Variants in BBOF1 observed in about 807,000 individuals in gnomAD.
The protein encoded by BBOF1 is basal body-orientation factor 1.
In BBOF1, 62 loss-of-function variants were observed where a neutral mutation model predicts 68.0. The observed-to-expected ratio is 0.91, with a 90% CI of 0.74 to 1.13. The LOEUF (loss-of-function observed/expected upper bound fraction) is 1.13. Ranked by LOEUF, BBOF1 falls within the 50% of genes most tolerant of loss-of-function variation. BBOF1 has a pLI of 0.00. For missense variants in BBOF1, 534 were observed against 600.1 expected, an observed-to-expected ratio of 0.89 and a Z score of 1.15; for synonymous variants, 208 against 198.8, an observed-to-expected ratio of 1.05 and a Z score of -0.39.
chr14:74,048,268 C>A, intron 7 of BBOF1, 194 bp downstream of exon 7: 1 of 490,292 alleles, frequency 2.0e-6, no homozygotes. Flanking sequence ...TTAGACTCAA[C>A]TTATAAAGAA....
In BBOF1 at chr14:74,065,407, T is replaced by C; in HGVS notation, c.*708T>C. 6.3e-7 allele frequency: 1 copy of C among 1,575,792 alleles called. No homozygotes were observed. Among genetic ancestry groups the C allele is most frequent in the East Asian group, 2.2e-5 (1 of 44,622 alleles). On this transcript the variant is annotated 3_prime_UTR_variant, in exon 12 of 12. Coordinates refer to ENST00000394009, the MANE Select transcript of BBOF1 (RefSeq NM_025057.3). ...GAAAAGAAGTCAGCTTTTTGGATTC[T>C]GAGTATTTTATGCTTATTTGGTACT...
rs199616324 is a variant in BBOF1, at chr14:74,050,209, TTTATTA to T, written c.1286+19_1286+24del. On this transcript the variant is annotated intron_variant, in intron 8 of 11. Transcript: ENST00000394009. ...GGCCGAAAAATGGTACTAGCAATAC[TTTATTA>T]TTATCTTTTTGCTGCTATTTTTGTG... The T allele has an allele frequency of 2.6e-6, 4 of 1,512,368 alleles. No homozygotes were observed. In the South Asian group the frequency reaches 5.5e-5, roughly 21 times the overall value. The allele number at this position is 1,512,368 out of a possible 1,614,324, so 93.7% of individuals were successfully genotyped here.
At chr14:74,057,986 T>A in intron 11 of BBOF1, 1 of 816,252 alleles carries the variant, frequency 1.2e-6, no homozygotes, top group Non-Finnish European at 1.5e-6. Context: ...ATATAGACAA[T>A]AATGACCTTT....
chr14:74,027,792 C>T (rs2059468682), intron 2 of BBOF1, among the ~76,000 whole-genome samples: 1 of 151,928 alleles, frequency 6.6e-6, no homozygotes, highest in Admixed American at 6.6e-5. Flanking sequence ...TAAGCCCAAC[C>T]CTGGCCAGTA....
chr14:74,039,280 C>G (rs2059779573), intron 4 of BBOF1, among the ~76,000 whole-genome samples: 1 of 152,080 alleles, frequency 6.6e-6, no homozygotes, highest in Non-Finnish European at 1.5e-5. Context: ...AACATTTTTT[C>G]AATAGATGCA....
At chr14:74,052,012 C>T (rs1364675348) in intron 8 of BBOF1, among the ~76,000 whole-genome samples, 4 of 151,798 alleles carry the variant, frequency 2.6e-5, no homozygotes, top group African/African-American at 9.7e-5. Context: ...GATTCTTCTT[C>T]AAAATGCCTA....
chr14:74,078,424 G>A lies in BBOF1; in HGVS notation n.1536+72G>A, dbSNP rs1487571947. 18 of 314,374 alleles carry A rather than the reference G, an allele frequency of 5.7e-5. No homozygotes were observed. In the East Asian group the frequency reaches 1.4e-3, roughly 25 times the overall value. 19.5% of individuals were successfully genotyped at this position (314,374 alleles called of 1,614,324 possible). On this transcript the variant is annotated intron_variant and non_coding_transcript_variant, in intron 10 of 12. Transcript: ENST00000492026. ...GCTGGAATGCAGTGGCATGATCATA[G>A]CTCACTGCAGCCTCCATCTCCTGGG...
downstream of BBOF1, chr14:74,069,266 C>T (rs2060516776): frequency 2.8e-6 from 1 of 360,354 alleles, no homozygotes; most frequent in African/African-American, 2.1e-5. Context: ...ACCATGCCTG[C>T]CTAATTTTTG....
At chr14:74,061,633 C>G (rs7161258) in intron 11 of BBOF1, among the ~76,000 whole-genome samples, 1 of 152,150 alleles carries the variant, frequency 6.6e-6, no homozygotes, top group Non-Finnish European at 1.5e-5. Context: ...GCGGCCATTT[C>G]TGATAATTAT....
chr14:74,057,369 A>C, intron 11 of BBOF1, 111 bp downstream of exon 11: 1 of 1,564,492 alleles, frequency 6.4e-7, no homozygotes, highest in African/African-American at 1.4e-5. Context: ...TTCAGGGATC[A>C]GTGGAATGAG....
chr14:74,025,900 C>T (rs1166962362), intron 2 of BBOF1, among the ~76,000 whole-genome samples: 5 of 127,372 alleles, frequency 3.9e-5, no homozygotes, highest in Admixed American at 1.6e-4. Context: ...GGCTGAGTGG[C>T]GGGGTGGGGG....
chr14:74,064,573 G>A, intron 11 of BBOF1, 115 bp from the exon 12 acceptor site: 1 of 910,586 alleles, frequency 1.1e-6, no homozygotes, highest in Non-Finnish European at 1.8e-6. Flanking sequence ...CTCAGGAAAT[G>A]GCATATACAA....
intron 5 of BBOF1, among the ~76,000 whole-genome samples, chr14:74,045,791 A>G (rs2059935638): frequency 1.3e-5 from 2 of 152,132 alleles, no homozygotes; most frequent in African/African-American, 2.4e-5. Context: ...TTTAGCAGAA[A>G]TTCCTCCTCA....
At chr14:74,057,539 C>T (rs905353010) in intron 11 of BBOF1, 33 of 1,338,810 alleles carry the variant, frequency 2.5e-5, no homozygotes, top group South Asian at 2.2e-4. Context: ...CTATCTTTTA[C>T]GTAAGAGTAA....
intron 2 of BBOF1, among the ~76,000 whole-genome samples, chr14:74,025,175 C>G (rs113870414): frequency 4.6e-5 from 7 of 152,144 alleles, no homozygotes; most frequent in African/African-American, 1.7e-4. Context: ...AAATAATTTC[C>G]AAATGTGTTA....
intron 2 of BBOF1, among the ~76,000 whole-genome samples, chr14:74,025,990 A>T (rs2059415957): frequency 6.6e-6 from 1 of 151,884 alleles, no homozygotes; most frequent in South Asian, 2.1e-4. Context: ...AAATACAAAG[A>T]ATTAGCTAGG....
chr14:74,036,194 T>C (rs1265016753), intron 4 of BBOF1, among the ~76,000 whole-genome samples: 1 of 152,080 alleles, frequency 6.6e-6, no homozygotes, highest in Non-Finnish European at 1.5e-5. Flanking sequence ...TAGCAGGGAC[T>C]ATAGGCGCAC....
At chr14:74,036,379 C>T (rs902856832) in intron 4 of BBOF1, among the ~76,000 whole-genome samples, 2 of 152,006 alleles carry the variant, frequency 1.3e-5, no homozygotes, top group East Asian at 1.9e-4. Context: ...GTTCTGATCA[C>T]GTCCTTCAAG....
At chr14:74,029,129 G>A in intron 2 of BBOF1, 55 bp from the exon 3 acceptor site, 2 of 1,091,202 alleles carry the variant, frequency 1.8e-6, no homozygotes, top group Non-Finnish European at 2.7e-6. Context: ...CTTAATAAAG[G>A]TAGACATAGA....
Sources: gnomAD v4.1 joint callset for allele counts (sites outside exome capture counted in the v4.1 genomes callset) on GRCh38, gnomAD v4.1.1 for gene constraint, MANE v1.5 for transcripts, NCBI Gene and HGNC (gene_info 2026-07-23, HGNC 2026-07-21) for gene names.